Variants in NAALADL2 observed in about 807,000 individuals in gnomAD.
NAALADL2 encodes inactive N-acetylated-alpha-linked acidic dipeptidase-like protein 2.
A neutral mutation model predicts 87.2 loss-of-function variants in NAALADL2; 76 were observed. The observed-to-expected ratio is 0.87, with a 90% CI of 0.72 to 1.05. The LOEUF (loss-of-function observed/expected upper bound fraction) is 1.05, where lower values mean the gene tolerates loss of function less well. Among genes scored for constraint, NAALADL2 ranks in the 50% least tolerant of loss-of-function variants. The pLI is 0.00. For missense variants in NAALADL2, 1,089 were observed against 945.8 expected (o/e 1.15, Z -1.99); for synonymous variants, 354 against 331.0 (o/e 1.07, Z -0.75).
At chr3:175,550,837 G>A (rs1018770101) in intron 9 of NAALADL2, among the ~76,000 whole-genome samples, 1 of 152,162 alleles carries the variant, frequency 6.6e-6, no homozygotes, top group African/African-American at 2.4e-5. Context: ...TACTGTTTGA[G>A]GGAAAACTCA....
At chr3:174,932,261 G>T (rs1737012194) in intron 1 of NAALADL2, among the ~76,000 whole-genome samples, 1 of 152,076 alleles carries the variant, frequency 6.6e-6, no homozygotes, top group African/African-American at 2.4e-5. Context: ...GGCACCATCA[G>T]ATCATCAAAA....
chr3:174,741,359 T>C (rs1733740886), intron 3 of NAALADL2, among the ~76,000 whole-genome samples: 1 of 151,682 alleles, frequency 6.6e-6, no homozygotes, highest in African/African-American at 2.4e-5. Context: ...GATAAAATTG[T>C]TGAAATATTT....
intron 9 of NAALADL2, among the ~76,000 whole-genome samples, chr3:175,517,846 C>T (rs956985944): frequency 3.3e-5 from 5 of 152,076 alleles, no homozygotes; most frequent in African/African-American, 1.2e-4. Context: ...TATAGACAGG[C>T]TTGAGGAGGC....
At chr3:175,704,657 A>G (rs1272980707) in intron 11 of NAALADL2, among the ~76,000 whole-genome samples, 2 of 152,112 alleles carry the variant, frequency 1.3e-5, no homozygotes, top group African/African-American at 4.8e-5. Context: ...ATACAAACAT[A>G]TGCTCTTCAT....
At chr3:175,355,300 C>G (rs150912237) in intron 5 of NAALADL2, among the ~76,000 whole-genome samples, 2,438 of 152,040 alleles carry the variant, frequency 0.016, 69 homozygotes, top group African/African-American at 0.055. Flanking sequence ...CTCCTGACAT[C>G]AAGTGATCCA....
chr3:175,179,587 G>A (rs188489768), intron 2 of NAALADL2, among the ~76,000 whole-genome samples: 210 of 151,908 alleles, frequency 1.4e-3, no homozygotes, highest in Admixed American at 3.2e-3. Flanking sequence ...GTGTCCCCAG[G>A]TTCCTGGAAA....
At chr3:175,061,728 AATATATATATATAT>A (rs149495848) in intron 1 of NAALADL2, among the ~76,000 whole-genome samples, 6 of 141,542 alleles carry the variant, frequency 4.2e-5, no homozygotes, top group Non-Finnish European at 7.7e-5. Context: ...CACTTGCACA[AATATATATATATAT>A]ATATATATAT....
chr3:174,682,106 T>C (rs1727600447), intron 2 of NAALADL2, among the ~76,000 whole-genome samples: 1 of 152,180 alleles, frequency 6.6e-6, no homozygotes. Flanking sequence ...GAGAGATGCC[T>C]TCCCTCTGCC....
intron 9 of NAALADL2, among the ~76,000 whole-genome samples, chr3:175,487,815 G>C (rs16825813): frequency 0.027 from 4,043 of 152,268 alleles, 166 homozygotes; most frequent in African/African-American, 0.092. Context: ...GTCTAATCCA[G>C]ATATGGTAAG....
At chr3:175,439,378 A>C (rs1719307400) in intron 5 of NAALADL2, among the ~76,000 whole-genome samples, 1 of 152,034 alleles carries the variant, frequency 6.6e-6, no homozygotes. Context: ...TTGCTGGATA[A>C]AATGGTAGAT....
At chr3:175,565,490 C>T (rs904840099) in intron 9 of NAALADL2, among the ~76,000 whole-genome samples, 1 of 152,060 alleles carries the variant, frequency 6.6e-6, no homozygotes, top group Non-Finnish European at 1.5e-5. Flanking sequence ...TGTTGGCCCA[C>T]CATCTTTTGA....
At chr3:175,129,648 TTAA>T (rs550328000) in intron 2 of NAALADL2, among the ~76,000 whole-genome samples, 183 of 152,344 alleles carry the variant, frequency 1.2e-3, no homozygotes, top group African/African-American at 4.2e-3. Context: ...TTTTTAAGGC[TTAA>T]TAATATTTCA....
At chr3:175,230,438 A>C (rs1449766107) in intron 2 of NAALADL2, among the ~76,000 whole-genome samples, 2 of 152,072 alleles carry the variant, frequency 1.3e-5, no homozygotes, top group Non-Finnish European at 1.5e-5. Context: ...AACATACAAA[A>C]ACTTCTATAA....
intron 2 of NAALADL2, among the ~76,000 whole-genome samples, chr3:174,647,857 A>G (rs929390155): frequency 3.9e-5 from 6 of 152,216 alleles, no homozygotes; most frequent in Non-Finnish European, 8.8e-5. Flanking sequence ...AGAACATCAT[A>G]TAGTGTTTGC....
chr3:174,859,572 C>T, intron 1 of NAALADL2, 122 bp downstream of exon 1: 1 of 712,238 alleles, frequency 1.4e-6, no homozygotes, highest in Non-Finnish European at 2.4e-6. Flanking sequence ...TGTTCAGGTG[C>T]CCTGGCCCTG....
rs573490160 is a variant in NAALADL2 at position 175,034,743 on chromosome 3, C to T, written c.44-62047C>T. Among the ~76,000 whole-genome samples, 7 of 152,178 alleles carry T rather than the reference C, an allele frequency of 4.6e-5. No homozygotes were observed. In the South Asian group the frequency reaches 8.3e-4, roughly 18 times the overall value. On this transcript the variant is annotated intron_variant, in intron 1 of 13. Transcript: ENST00000454872. ...CTTTGGGCAAGTTTTTAAAACTTTCCGTGCCTGAGTTACTCATCTATCAAA... is the reference window on the plus strand; with the variant it reads ...CTTTGGGCAAGTTTTTAAAACTTTCTGTGCCTGAGTTACTCATCTATCAAA...
chr3:174,472,651 A>G (rs1716975051), intron 1 of NAALADL2, among the ~76,000 whole-genome samples: 1 of 152,214 alleles, frequency 6.6e-6, no homozygotes, highest in Non-Finnish European at 1.5e-5. Context: ...CTATTACTGT[A>G]ATTTTATTTT....
At chr3:175,759,299 C>T (rs1291352817) in intron 13 of NAALADL2, among the ~76,000 whole-genome samples, 1 of 151,002 alleles carries the variant, frequency 6.6e-6, no homozygotes, top group African/African-American at 2.4e-5. Context: ...CCAAAAAGTA[C>T]TTTTGTGATT....
At chr3:175,272,543 A>G (rs73184712) in intron 4 of NAALADL2, among the ~76,000 whole-genome samples, 23,928 of 152,174 alleles carry the variant, frequency 0.16, 2,263 homozygotes, top group Non-Finnish European at 0.22. Flanking sequence ...AATTTATTCA[A>G]TCACACAAAT....
Sources: allele counts gnomAD v4.1 joint callset (sites outside exome capture counted in the v4.1 genomes callset), GRCh38; gene constraint gnomAD v4.1.1; transcripts MANE v1.5; gene names NCBI Gene and HGNC (gene_info 2026-07-23, HGNC 2026-07-21).